HEATR1: variants seen among roughly 807,000 people sequenced by gnomAD.
HEATR1 encodes HEAT repeat-containing protein 1.
Under a neutral mutation model 248.2 loss-of-function variants are expected in HEATR1, and 77 were observed. The ratio of observed to expected loss-of-function variants is 0.31; its 90% CI spans 0.26 to 0.37. The LOEUF (loss-of-function observed/expected upper bound fraction) is 0.37. Among genes scored for constraint, HEATR1 ranks in the 10% least tolerant of loss-of-function variants. The pLI is 1.00. For missense variants in HEATR1, 2,420 were observed against 2,504.9 expected, an observed-to-expected ratio of 0.97 and a Z score of 0.72; for synonymous variants, 897 against 923.1, an observed-to-expected ratio of 0.97 and a Z score of 0.51.
At chr1:236,559,878 C>T in intron 33 of HEATR1, 41 bp from the exon 34 acceptor site, 1 of 1,556,162 alleles carries the variant, frequency 6.4e-7, no homozygotes, top group Non-Finnish European at 8.7e-7. Context: ...CAGCTGAAGG[C>T]ACTCAGAGAA....
intron 32 of HEATR1, among the ~76,000 whole-genome samples, chr1:236,562,184 T>C (rs1663148654): frequency 6.6e-6 from 1 of 152,370 alleles, no homozygotes; most frequent in East Asian, 1.9e-4. Context: ...TAACTGGCCA[T>C]CTGTAATTCC....
intron 19 of HEATR1, among the ~76,000 whole-genome samples, chr1:236,581,784 TGGAG>T (rs1395656199): frequency 3.3e-5 from 5 of 152,188 alleles, no homozygotes; most frequent in African/African-American, 7.2e-5. Flanking sequence ...CCTGGCAACA[TGGAG>T]GTCACTGGTG....
intron 12 of HEATR1, 27 bp downstream of exon 12, chr1:236,590,820 C>G (rs1255709180): frequency 7.9e-7 from 1 of 1,263,496 alleles, no homozygotes; most frequent in East Asian, 2.5e-5. Flanking sequence ...AAAAAAAAAC[C>G]ATATAAAAAA....
At position 236,586,387 on chromosome 1, in the gene HEATR1, T is replaced by C. The variant is rs766208942; in HGVS notation, c.1781A>G (p.Gln594Arg). The part of the protein sequence containing the change: ...IKEEILSEND[Q>R]LSNQVVVCLL... Reference sequence around the variant, plus strand: ...ACATACAACCACCTGATTTGACAACTGATCATTTTCACTCAGTATCTCTTC... The same window carrying C: ...ACATACAACCACCTGATTTGACAACCGATCATTTTCACTCAGTATCTCTTC... Residue 594 changes from glutamine (Q) to arginine (R), a missense_variant, in exon 15 of 45, where the codon CAG (glutamine) becomes CGG (arginine). Gln to Arg is a conservative substitution (Grantham distance 43). Coordinates refer to ENST00000366582, the MANE Select transcript of HEATR1 (RefSeq NM_018072.6). The C allele has an allele frequency of 2.5e-6, 4 of 1,613,464 alleles. No individual in the cohort carries two copies.
At chr1:236,586,988 A>G (rs1159964967) in intron 14 of HEATR1, among the ~76,000 whole-genome samples, 2 of 152,136 alleles carry the variant, frequency 1.3e-5, no homozygotes, top group East Asian at 3.8e-4. Context: ...AAATGAAATA[A>G]ACAGAGCTCA....
In HEATR1 at chr1:236,571,695, C is replaced by A. The variant is rs1663431961; in HGVS notation, c.3708-9G>T. 2 of 1,569,464 alleles carry A rather than the reference C, an allele frequency of 1.3e-6. No homozygotes were observed. Among genetic ancestry groups the A allele is most frequent in the Admixed American group, 1.7e-5 (1 of 59,742 alleles). ...GCAAGGGTTCTAAACATCTTCAGGA[C>A]ACCCAAAAGAGAAATGATGGGAAAT... On this transcript the variant is annotated splice_polypyrimidine_tract_variant and intron_variant, in intron 26 of 44. Transcript: ENST00000366582.
At chr1:236,574,061 GACTT>G (rs145562285) in intron 24 of HEATR1, 137 bp downstream of exon 24, 147 of 612,780 alleles carry the variant, frequency 2.4e-4, no homozygotes, top group South Asian at 6.1e-4. Flanking sequence ...GCCTCTCTCT[GACTT>G]ACTTTTCCAT....
intron 5 of HEATR1, among the ~76,000 whole-genome samples, chr1:236,597,439 G>C (rs528403072): frequency 3.9e-5 from 6 of 152,124 alleles, no homozygotes; most frequent in African/African-American, 1.4e-4. Context: ...TTTTAGTAGA[G>C]ACGGTGTTTC....
intron 16 of HEATR1, among the ~76,000 whole-genome samples, chr1:236,585,484 T>G (rs938935027): frequency 6.6e-6 from 1 of 152,132 alleles, no homozygotes; most frequent in African/African-American, 2.4e-5. Flanking sequence ...AAGGCAAAGA[T>G]AATTTTCTCC....
intron 20 of HEATR1, among the ~76,000 whole-genome samples, chr1:236,578,026 T>A (rs1663610958): frequency 6.6e-6 from 1 of 152,220 alleles, no homozygotes; most frequent in South Asian, 2.1e-4. Context: ...GATAGAGAAA[T>A]GTTAGAGTCA....
intron 43 of HEATR1, 77 bp from the exon 44 acceptor site, chr1:236,552,184 G>A (rs1572028629): frequency 2.2e-6 from 2 of 926,918 alleles, no homozygotes; most frequent in East Asian, 4.9e-5. Context: ...ACTGACTTGA[G>A]ACAAGCTCTA....
At position 236,594,114 on chromosome 1, in the gene HEATR1, C is replaced by G; in HGVS notation, c.1091G>C (p.Gly364Ala). Reference sequence around the variant, plus strand: ...ACCATCCATTCCTTCAGTTTCTTCTCCTTAATATGTAAAAATTAAAATTGT... The same window carrying G: ...ACCATCCATTCCTTCAGTTTCTTCTGCTTAATATGTAAAAATTAAAATTGT... The part of the protein sequence containing the change: ...LVVSIIHHVT[G>A]EETEGMDGQI... Residue 364 changes from glycine (G) to alanine (A), a missense_variant and splice_region_variant, in exon 9 of 45, where the codon GGA becomes GCA. By Grantham distance (60) the Gly-to-Ala change is moderately conservative. Transcript: ENST00000366582. The G allele has an allele frequency of 6.5e-7, 1 of 1,547,304 alleles. No individual in the cohort carries two copies. Among genetic ancestry groups the G allele is most frequent in the Non-Finnish European group, 8.8e-7 (1 of 1,140,800 alleles).
intron 6 of HEATR1, 92 bp from the exon 7 acceptor site, chr1:236,596,136 G>T: frequency 1.1e-6 from 1 of 947,378 alleles, no homozygotes. Flanking sequence ...ATGTCATAGA[G>T]ATTAATACAA....
rs541413220 is a variant in HEATR1 at position 236,577,614 on chromosome 1, A to G, written c.2756-665T>C. Among the ~76,000 whole-genome samples, 9 of 150,734 alleles carry G rather than the reference A, an allele frequency of 6.0e-5. No individual in the cohort carries two copies. In the East Asian group the frequency reaches 1.8e-3, roughly 30 times the overall value. On this transcript the variant is annotated intron_variant, in intron 20 of 44. Transcript: ENST00000366582. The stretch of plus-strand genomic sequence containing the variant: ...AGCGATTCTCCTGCCTCAGCCTCCC[A>G]AGTAGCTGGGATTACAGGCACGCGC...
At chr1:236,562,928 CAA>C (rs1491049868) in intron 32 of HEATR1, among the ~76,000 whole-genome samples, 1 of 104,684 alleles carries the variant, frequency 9.6e-6, no homozygotes, top group Non-Finnish European at 2.7e-5. Flanking sequence ...TGAGGAATAA[CAA>C]TATTATATAA....
chr1:236,556,217 C>T lies in HEATR1; in HGVS notation c.5397G>A (p.Ala1799=), dbSNP rs777404190. The part of the protein sequence containing the change: ...LEKITSEMGS[A]SQANIRLTSL... Reference sequence around the variant, plus strand: ...ATGTGAGACGGATATTAGCCTGTGACGCAGAACCCATTTCACTAGTGATTT... The same window carrying T: ...ATGTGAGACGGATATTAGCCTGTGATGCAGAACCCATTTCACTAGTGATTT... Residue 1799 remains alanine, a synonymous_variant, in exon 38 of 45, where the codon GCG becomes GCA. Coordinates refer to ENST00000366582, the MANE Select transcript of HEATR1 (RefSeq NM_018072.6). 2.0e-5 allele frequency: 32 copies of T among 1,613,904 alleles called. No individual in the cohort carries two copies. The highest frequency in any genetic ancestry group is 6.7e-5 in the Admixed American group (4 of 59,984).
chr1:236,599,597 A>G lies in HEATR1; in HGVS notation c.387T>C (p.Asp129=), dbSNP rs1664262873. The part of the protein sequence containing the change: ...HRFHIHLYNQ[D]SLIACVLPYH... ...ATGGCAGAACACAAGCAATGAGGCT[A>G]TCTTGATTATAGAGATGTATATGGA... The change falls in exon 4 of 45, where the codon GAT becomes GAC. Residue 129 remains aspartate, a synonymous_variant. Transcript: ENST00000366582. 6.2e-7 allele frequency: 1 copy of G among 1,613,536 alleles called. No homozygotes were observed. The highest frequency in any genetic ancestry group is 2.2e-5 in the East Asian group (1 of 44,826).
chr1:236,556,536 A>G (rs957910259), intron 37 of HEATR1, among the ~76,000 whole-genome samples: 1 of 152,210 alleles, frequency 6.6e-6, no homozygotes, highest in African/African-American at 2.4e-5. Context: ...CAGGAATGCA[A>G]GGGACCACGG....
chr1:236,580,203 A>G lies in HEATR1; in HGVS notation c.2755+1019T>C, dbSNP rs1247782749. On this transcript the variant is annotated intron_variant, in intron 20 of 44. Transcript: ENST00000366582. ...TCTTTTGCAAAATTTGCAATTCTAC[A>G]TTATAAAAAAACTTAACTTTCAGTT... Among the ~76,000 whole-genome samples, 10 of 152,234 alleles carry G rather than the reference A, an allele frequency of 6.6e-5. No individual in the cohort carries two copies. In the South Asian group the frequency reaches 2.1e-3, roughly 31 times the overall value.
Sources: gnomAD v4.1 joint callset for allele counts (sites outside exome capture counted in the v4.1 genomes callset) on GRCh38, gnomAD v4.1.1 for gene constraint, MANE v1.5 for transcripts, NCBI Gene and HGNC (gene_info 2026-07-23, HGNC 2026-07-21) for gene names.